Variants in GRM7 observed in about 807,000 individuals in gnomAD.
The protein encoded by GRM7 is metabotropic glutamate receptor 7.
A neutral mutation model predicts 84.5 loss-of-function variants in GRM7; 35 were observed. That is an observed-to-expected ratio of 0.41 (90% CI 0.32 to 0.55). GRM7 has a LOEUF of 0.55. Among genes scored for constraint, GRM7 ranks in the 20% least tolerant of loss-of-function variants. GRM7 has a pLI of 0.19. For synonymous variants in GRM7, 487 were observed against 455.1 expected, an observed-to-expected ratio of 1.07 and a Z score of -0.89; for missense variants, 1,003 against 1,194.6, an observed-to-expected ratio of 0.84 and a Z score of 2.36.
rs76944487 is a variant in GRM7, at chr3:7,644,216, A to G, written c.2452-35833A>G. Among the ~76,000 whole-genome samples the G allele has an allele frequency of 8.3e-5, 4 of 47,930 alleles. 1 individual carries two copies. Among genetic ancestry groups the G allele is most frequent in the Non-Finnish European group, 1.7e-4 (4 of 23,074 alleles). The allele number at this position is 47,930 out of a possible 152,430, so 31.4% of individuals were successfully genotyped here. ...TACGTATATATATATGTCTGTACAT[A>G]TATATGTGTGTGTCTGTACATATAT... On this transcript the variant is annotated intron_variant, in intron 8 of 9. Coordinates refer to ENST00000357716, the MANE Select transcript of GRM7 (RefSeq NM_000844.4).
chr3:7,258,268 G>A, intron 2 of GRM7, among the ~76,000 whole-genome samples: 1 of 152,028 alleles, frequency 6.6e-6, no homozygotes, highest in Non-Finnish European at 1.5e-5. Context: ...TTTGTATCAT[G>A]TCTTCTAGAG....
intron 5 of GRM7, among the ~76,000 whole-genome samples, chr3:7,435,805 A>G (rs1575332079): frequency 7.1e-6 from 1 of 140,806 alleles, no homozygotes; most frequent in African/African-American, 2.6e-5. Flanking sequence ...CTCTTTCCTC[A>G]GCCTCTGGAG....
chr3:7,609,762 A>ACAT (rs1282630408), intron 8 of GRM7, among the ~76,000 whole-genome samples: 7 of 152,330 alleles, frequency 4.6e-5, no homozygotes, highest in Admixed American at 2.0e-4. Context: ...TCATGGAGTG[A>ACAT]CATCAGAAGC....
chr3:7,673,517 T>A (rs1267716466), intron 8 of GRM7, among the ~76,000 whole-genome samples: 3 of 141,524 alleles, frequency 2.1e-5, no homozygotes, highest in Non-Finnish European at 4.6e-5. Context: ...CAGTGACAGT[T>A]AAAAAAAAAA....
chr3:6,932,110 C>A (rs1377574834), intron 1 of GRM7, among the ~76,000 whole-genome samples: 2 of 152,118 alleles, frequency 1.3e-5, no homozygotes, highest in African/African-American at 4.8e-5. Flanking sequence ...TTAAACACTG[C>A]AACAACTGCT....
chr3:7,697,262 C>A (rs1701056077), intron 9 of GRM7, among the ~76,000 whole-genome samples: 1 of 152,134 alleles, frequency 6.6e-6, no homozygotes, highest in South Asian at 2.1e-4. Context: ...TTGTAATCAA[C>A]TTGCCCTTAT....
intron 8 of GRM7, among the ~76,000 whole-genome samples, chr3:7,670,781 A>G (rs1302238442): frequency 6.6e-6 from 1 of 152,168 alleles, no homozygotes; most frequent in Non-Finnish European, 1.5e-5. Context: ...GTATTACCCA[A>G]TATATTCCCC....
At chr3:7,318,577 T>C (rs1700663776) in intron 4 of GRM7, among the ~76,000 whole-genome samples, 1 of 152,062 alleles carries the variant, frequency 6.6e-6, no homozygotes. Flanking sequence ...GTTTTTTAAA[T>C]GTCCTTTAAC....
rs546369010 is a variant in GRM7 at position 7,613,545 on chromosome 3, C to G, written c.2451+34188C>G. Reference sequence around the variant, plus strand: ...GAAGTGGAGAAGAAAATGCTCACATCTTCCCAACGTACAGAGTTGTTTTCC... The same window carrying G: ...GAAGTGGAGAAGAAAATGCTCACATGTTCCCAACGTACAGAGTTGTTTTCC... On this transcript the variant is annotated intron_variant, in intron 8 of 9. Transcript: ENST00000357716. Among the ~76,000 whole-genome samples the G allele has an allele frequency of 8.8e-4, 134 of 152,256 alleles. 2 individuals carry two copies. Among genetic ancestry groups the G allele is most frequent in the Non-Finnish European group, 1.8e-4 (12 of 68,032 alleles).
At chr3:7,693,774 C>T (rs1382673384) in intron 9 of GRM7, 2 of 784,528 alleles carry the variant, frequency 2.5e-6, no homozygotes, top group Non-Finnish European at 4.2e-6. Context: ...TGAAAGAGAC[C>T]TTATCCTGTT....
chr3:7,064,479 T>TATATACACACACACAC, intron 1 of GRM7, among the ~76,000 whole-genome samples: 1 of 99,382 alleles, frequency 1.0e-5, no homozygotes, highest in Non-Finnish European at 2.1e-5. Flanking sequence ...TATATATATA[T>TATATACACACACACAC]ACACACATAT....
intron 1 of GRM7, among the ~76,000 whole-genome samples, chr3:7,132,635 A>G (rs916528689): frequency 6.6e-6 from 1 of 152,228 alleles, no homozygotes; most frequent in African/African-American, 2.4e-5. Context: ...ATAAGAATAA[A>G]AGAACTAAAT....
chr3:7,467,224 A>C (rs750028690), intron 7 of GRM7, among the ~76,000 whole-genome samples: 52 of 152,158 alleles, frequency 3.4e-4, no homozygotes, highest in Non-Finnish European at 6.8e-4. Context: ...AGTATCTGGG[A>C]CTACAGGCAC....
chr3:7,563,972 A>T (rs116138210), intron 7 of GRM7, among the ~76,000 whole-genome samples: 2,598 of 152,274 alleles, frequency 0.017, 64 homozygotes, highest in African/African-American at 0.06. Flanking sequence ...CAACATCCAT[A>T]TGTTTAATTT....
chr3:7,360,375 C>T (rs956096941), intron 4 of GRM7, among the ~76,000 whole-genome samples: 2 of 125,212 alleles, frequency 1.6e-5, no homozygotes, highest in Non-Finnish European at 3.4e-5. Flanking sequence ...GTCATAAAAA[C>T]GTATTCTCTA....
chr3:6,975,075 A>G (rs1181438404), intron 1 of GRM7, among the ~76,000 whole-genome samples: 1 of 152,166 alleles, frequency 6.6e-6, no homozygotes, highest in Non-Finnish European at 1.5e-5. Context: ...AAGGGTTGGC[A>G]TCAGGAGCAA....
At chr3:7,430,510 G>A (rs1176563735) in intron 5 of GRM7, among the ~76,000 whole-genome samples, 9 of 152,290 alleles carry the variant, frequency 5.9e-5, no homozygotes, top group East Asian at 1.9e-4. Flanking sequence ...CACTTTATGC[G>A]TCGCTGTTAG....
chr3:7,232,491 G>A (rs1697224894), intron 2 of GRM7, among the ~76,000 whole-genome samples: 2 of 152,128 alleles, frequency 1.3e-5, no homozygotes, highest in Admixed American at 6.6e-5. Flanking sequence ...GAAATGGGCT[G>A]AAGTATCAGA....
intron 5 of GRM7, among the ~76,000 whole-genome samples, chr3:7,421,535 AT>A (rs200422796): frequency 6.6e-6 from 1 of 151,682 alleles, no homozygotes; most frequent in Non-Finnish European, 1.5e-5. Flanking sequence ...TTACAAAGAG[AT>A]TTTTTTTTAA....
Sources: gnomAD v4.1 joint callset for allele counts (sites outside exome capture counted in the v4.1 genomes callset) on GRCh38, gnomAD v4.1.1 for gene constraint, MANE v1.5 for transcripts, NCBI Gene and HGNC (gene_info 2026-07-23, HGNC 2026-07-21) for gene names.